The following ZFP1 variants were observed in gnomAD, a reference collection of about 807,000 sequenced individuals.
The protein encoded by ZFP1 is ZFP1 zinc finger protein.
ZFP1 carries 32 observed loss-of-function variants against 38.5 expected under a neutral mutation model. The ratio of observed to expected loss-of-function variants is 0.83; its 90% CI spans 0.63 to 1.12. The LOEUF is 1.12. Ranked by LOEUF, ZFP1 falls within the 50% of genes most tolerant of loss-of-function variation. The pLI, the probability that ZFP1 is intolerant of heterozygous loss-of-function variation, is 0.00. For missense variants in ZFP1, 616 were observed against 480.8 expected (o/e 1.28, Z -2.63); for synonymous variants, 245 against 168.8 (o/e 1.45, Z -3.50).
chr16:75,168,316 C>G (rs979956527), intron 3 of ZFP1, among the ~76,000 whole-genome samples: 17 of 152,104 alleles, frequency 1.1e-4, no homozygotes, highest in Admixed American at 5.2e-4. Context: ...ACCTGGGTAA[C>G]TTTATCCTTA....
intron 3 of ZFP1, among the ~76,000 whole-genome samples, chr16:75,167,962 A>G (rs200033872): frequency 6.6e-6 from 1 of 152,004 alleles, no homozygotes; most frequent in East Asian, 1.9e-4. Context: ...GCATGGTGGC[A>G]TGTGCCTGTA....
chr16:75,129,084 C>T, the ZFP1 span, among the ~76,000 whole-genome samples: 19,278 of 152,200 alleles, frequency 0.13, 1,875 homozygotes, highest in East Asian at 0.54. Context: ...GCCACCGCGC[C>T]GGGCCAGCCA....
intron 3 of ZFP1, 39 bp downstream of exon 3, chr16:75,166,935 G>C: frequency 6.3e-7 from 1 of 1,594,804 alleles, no homozygotes; most frequent in South Asian, 1.1e-5. Flanking sequence ...CATGTGCCTA[G>C]AGGTATTTAT....
At chr16:75,149,431 A>T (rs1303846728) in intron 1 of ZFP1, among the ~76,000 whole-genome samples, 3 of 152,148 alleles carry the variant, frequency 2.0e-5, no homozygotes, top group African/African-American at 4.8e-5. Flanking sequence ...AAGTTTTCCC[A>T]TGATTCTGGT....
intron 2 of ZFP1, among the ~76,000 whole-genome samples, chr16:75,154,840 C>T (rs989923745): frequency 2.0e-5 from 3 of 151,986 alleles, no homozygotes; most frequent in African/African-American, 7.2e-5. Context: ...CTCTGTCACA[C>T]AGGCTGGAAT....
chr16:75,141,251 G>A, the ZFP1 span, among the ~76,000 whole-genome samples: 1 of 136,566 alleles, frequency 7.3e-6, no homozygotes, highest in Admixed American at 7.9e-5. Flanking sequence ...CGCCCAGGCT[G>A]GAGTGCAGTG....
rs117514948 is a variant in ZFP1 at position 75,159,032 on chromosome 16, G to T, written c.15+6066G>T. Among the ~76,000 whole-genome samples the T allele has an allele frequency of 2.5e-3, 381 of 151,710 alleles. 3 individuals carry two copies. The highest frequency in any genetic ancestry group is 4.0e-3 in the Non-Finnish European group (275 of 67,912). ...CCACTTCAGCCTCCTTAATAGCTGG[G>T]ACTACAGGCACATGTCATTATGCCC... On this transcript the variant is annotated intron_variant, in intron 2 of 3. Coordinates refer to ENST00000570010, the MANE Select transcript of ZFP1 (RefSeq NM_153688.4).
the ZFP1 span, among the ~76,000 whole-genome samples, chr16:75,127,557 G>C: frequency 6.6e-6 from 1 of 152,132 alleles, no homozygotes; most frequent in Admixed American, 6.5e-5. Flanking sequence ...CTGGCCTCAA[G>C]AGATCCGCTG....
upstream of ZFP1, among the ~76,000 whole-genome samples, chr16:75,147,746 C>A (rs1305603815): frequency 6.6e-6 from 1 of 152,010 alleles, no homozygotes; most frequent in East Asian, 1.9e-4. Context: ...TAAAACTGTT[C>A]TAAAGGATGA....
chr16:75,156,694 TAGAG>T (rs2037486779), intron 2 of ZFP1, among the ~76,000 whole-genome samples: 1 of 152,118 alleles, frequency 6.6e-6, no homozygotes, highest in South Asian at 2.1e-4. Flanking sequence ...CGAATATAAT[TAGAG>T]GGAGTGGGAT....
chr16:75,127,860 C>CT, the ZFP1 span: 1 of 152,174 alleles, frequency 6.6e-6, no homozygotes, highest in Non-Finnish European at 1.5e-5. Flanking sequence ...CTATTTACAA[C>CT]TTTTAACAAT....
upstream of ZFP1, among the ~76,000 whole-genome samples, chr16:75,146,418 C>T (rs1162319927): frequency 4.6e-5 from 7 of 152,092 alleles, no homozygotes; most frequent in Non-Finnish European, 7.3e-5. Flanking sequence ...CCGCCCGCCT[C>T]GGCCTCCCAA....
At chr16:75,150,166 G>T (rs145889161) in intron 1 of ZFP1, among the ~76,000 whole-genome samples, 2,311 of 149,604 alleles carry the variant, frequency 0.015, 39 homozygotes, top group Non-Finnish European at 0.02. Flanking sequence ...TATTTATTTA[G>T]ATTGTATTGC....
chr16:75,144,260 T>C (rs796377343), upstream of ZFP1: 17 of 152,300 alleles, frequency 1.1e-4, no homozygotes, highest in African/African-American at 4.1e-4. Context: ...GTTCAGTGTT[T>C]AGTCTTTTTA....
intron 1 of ZFP1, among the ~76,000 whole-genome samples, chr16:75,152,479 G>T (rs971309786): frequency 2.6e-5 from 4 of 152,170 alleles, no homozygotes; most frequent in Non-Finnish European, 5.9e-5. Flanking sequence ...CCTGCTGAAA[G>T]ATCAACTCTG....
At chr16:75,145,429 C>A (rs541472069), upstream of ZFP1, among the ~76,000 whole-genome samples, 9 of 152,268 alleles carry the variant, frequency 5.9e-5, no homozygotes, top group South Asian at 1.9e-3. Context: ...GGGTTCTTAC[C>A]CTCAAGCTTG....
At chr16:75,144,700 C>A (rs2036924989), upstream of ZFP1, among the ~76,000 whole-genome samples, 2 of 152,230 alleles carry the variant, frequency 1.3e-5, no homozygotes, top group Non-Finnish European at 2.9e-5. Context: ...ACTAACTCCC[C>A]ATCCCTTTTT....
At chr16:75,125,534 G>C in the ZFP1 span, among the ~76,000 whole-genome samples, 3 of 152,046 alleles carry the variant, frequency 2.0e-5, no homozygotes, top group East Asian at 5.8e-4. Context: ...ATGTTTGTCA[G>C]ACTGGTCTTG....
At chr16:75,159,961 TC>T (rs1352452303) in intron 2 of ZFP1, among the ~76,000 whole-genome samples, 1 of 152,148 alleles carries the variant, frequency 6.6e-6, no homozygotes, top group Non-Finnish European at 1.5e-5. Context: ...TTTGCCAGTA[TC>T]TCTATCTTTC....
Sources: allele counts gnomAD v4.1 joint callset (sites outside exome capture counted in the v4.1 genomes callset), GRCh38; gene constraint gnomAD v4.1.1; transcripts MANE v1.5; gene names NCBI Gene and HGNC (gene_info 2026-07-23, HGNC 2026-07-21).